Variants in COG6 observed in about 807,000 individuals in gnomAD.
COG6 encodes component of oligomeric golgi complex 6, also known as conserved oligomeric Golgi complex subunit 6.
COG6 carries 74 observed loss-of-function variants against 88.8 expected under a neutral mutation model. The observed-to-expected ratio is 0.83, with a 90% CI of 0.69 to 1.01. The LOEUF (loss-of-function observed/expected upper bound fraction) is 1.01. Among genes scored for constraint, COG6 ranks in the 50% least tolerant of loss-of-function variants. COG6 has a pLI of 0.00. For missense variants in COG6, 800 were observed against 797.9 expected, an observed-to-expected ratio of 1.00 and a Z score of -0.03; for synonymous variants, 286 against 278.7, an observed-to-expected ratio of 1.03 and a Z score of -0.26.
At chr13:39,736,632 G>A (rs983663115) in intron 18 of COG6, among the ~76,000 whole-genome samples, 2 of 152,100 alleles carry the variant, frequency 1.3e-5, no homozygotes, top group Admixed American at 6.6e-5. Context: ...CGGAGGTTAC[G>A]GTGAGCCGAG....
intron 18 of COG6, among the ~76,000 whole-genome samples, chr13:39,745,410 A>C (rs1880288676): frequency 6.6e-6 from 1 of 152,118 alleles, no homozygotes; most frequent in African/African-American, 2.4e-5. Flanking sequence ...AAAACCATCA[A>C]AAAGTGGGCA....
At chr13:39,669,824 A>T (rs1331476152) in intron 4 of COG6, among the ~76,000 whole-genome samples, 2 of 152,164 alleles carry the variant, frequency 1.3e-5, no homozygotes, top group East Asian at 3.8e-4. Context: ...AAAATTTATG[A>T]CATTCTGGTA....
rs115078036 is a variant in COG6 at position 39,681,689 on chromosome 13, G to A, written c.695-482G>A. Reference sequence around the variant, plus strand: ...ATTAGAATAATAAAGAAAAGTTGGTGTAGAAATTTTTAAGAGTTTAAAATT... The same window carrying A: ...ATTAGAATAATAAAGAAAAGTTGGTATAGAAATTTTTAAGAGTTTAAAATT... On this transcript the variant is annotated intron_variant, in intron 7 of 18. Transcript: ENST00000455146. 2.5e-3 allele frequency among the ~76,000 whole-genome samples: 381 copies of A among 152,262 alleles called. 2 individuals carry two copies. The highest frequency in any genetic ancestry group is 9.0e-3 in the African/African-American group (373 of 41,566).
At position 39,690,099 on chromosome 13, in the gene COG6, AT is replaced by A. The variant is rs200772217; in HGVS notation, c.1074+276del. On this transcript the variant is annotated intron_variant, in intron 11 of 18. Transcript: ENST00000455146. Reference sequence around the variant, plus strand: ...TTTTTCTTATTCAATTGAGAAAAAAATCTATTAAATTTAAACAGCGAATCTA... The same window carrying A: ...TTTTTCTTATTCAATTGAGAAAAAAACTATTAAATTTAAACAGCGAATCTA... Among the ~76,000 whole-genome samples, 100,665 of 151,656 alleles carry A rather than the reference AT, an allele frequency of 0.66. 33,616 individuals are homozygous for A. Among genetic ancestry groups the A allele is most frequent in the Admixed American group, 0.77 (11,761 of 15,230 alleles).
intron 13 of COG6, among the ~76,000 whole-genome samples, chr13:39,717,293 G>T (rs1221390946): frequency 6.6e-6 from 1 of 151,544 alleles, no homozygotes; most frequent in African/African-American, 2.4e-5. Flanking sequence ...TGTTACTGTA[G>T]GTCTCTTGAG....
chr13:39,699,119 A>G, intron 12 of COG6, among the ~76,000 whole-genome samples: 1 of 151,800 alleles, frequency 6.6e-6, no homozygotes, highest in East Asian at 1.9e-4. Context: ...TATTTTATCA[A>G]TAGAGCTGTT....
At chr13:39,777,778 C>A (rs1881507670) in intron 18 of COG6, among the ~76,000 whole-genome samples, 2 of 152,260 alleles carry the variant, frequency 1.3e-5, no homozygotes, top group Non-Finnish European at 2.9e-5. Flanking sequence ...ATTTCCATTT[C>A]CTTGATACTG....
At chr13:39,763,427 G>A (rs921757438) in intron 18 of COG6, among the ~76,000 whole-genome samples, 3 of 151,710 alleles carry the variant, frequency 2.0e-5, no homozygotes, top group Admixed American at 1.3e-4. Context: ...TCCAAAATGT[G>A]GGGAAGGAGA....
chr13:39,752,526 GAGAA>G lies in COG6; in HGVS notation c.*1438_*1441del. ...AAATTGTATATAATTTATTTCTACAGAGAAAGAAGATTGATACCTTGCTATGAGT... is the reference window on the plus strand; with the variant it reads ...AAATTGTATATAATTTATTTCTACAGAGAAGATTGATACCTTGCTATGAGT... On this transcript the variant is annotated 3_prime_UTR_variant, in exon 19 of 19. Transcript: ENST00000455146. The G allele has an allele frequency of 8.3e-7, 1 of 1,208,932 alleles. No homozygotes were observed. Among genetic ancestry groups the G allele is most frequent in the Non-Finnish European group, 1.1e-6 (1 of 926,838 alleles). The allele number at this position is 1,208,932 out of a possible 1,614,324, so 74.9% of individuals were successfully genotyped here.
At position 39,657,741 on chromosome 13, in the gene COG6, T is replaced by C. The variant is rs1874614737; in HGVS notation, c.154-1623T>C. ...TATATCTGCAGAATTTAGTGTACAA[T>C]GGGGATGTCCTGGGCTTGGTTCTCT... On this transcript the variant is annotated intron_variant, in intron 1 of 18. Transcript: ENST00000455146. Among the ~76,000 whole-genome samples, 7 of 152,184 alleles carry C rather than the reference T, an allele frequency of 4.6e-5. No individual in the cohort carries two copies. In the South Asian group the frequency reaches 1.2e-3, roughly 27 times the overall value.
intron 18 of COG6, among the ~76,000 whole-genome samples, chr13:39,775,167 C>T (rs1433640514): frequency 6.6e-6 from 1 of 152,030 alleles, no homozygotes. Flanking sequence ...GGTTCCATTT[C>T]GTTTGTCATC....
chr13:39,676,562 G>A (rs1381837966), intron 4 of COG6, among the ~76,000 whole-genome samples: 1 of 151,996 alleles, frequency 6.6e-6, no homozygotes, highest in African/African-American at 2.4e-5. Context: ...ATTCAACTTT[G>A]AATTTAAAAC....
At chr13:39,660,749 C>A in intron 2 of COG6, 61 bp from the exon 3 acceptor site, 1 of 1,095,246 alleles carries the variant, frequency 9.1e-7, no homozygotes, top group Non-Finnish European at 1.4e-6. Context: ...ATTTAGCTAA[C>A]AGAAGAGAAT....
At chr13:39,725,870 A>G (rs531537910) in intron 17 of COG6, among the ~76,000 whole-genome samples, 3 of 152,042 alleles carry the variant, frequency 2.0e-5, no homozygotes, top group South Asian at 4.1e-4. Context: ...TTACCCCCCA[A>G]AAATGAAGAT....
At chr13:39,734,426 T>C (rs78753254) in intron 18 of COG6, among the ~76,000 whole-genome samples, 3,713 of 152,260 alleles carry the variant, frequency 0.024, 183 homozygotes, top group African/African-American at 0.085. Flanking sequence ...ATTATTGTTA[T>C]TGATTTTTAG....
chr13:39,741,368 T>G lies in COG6; in HGVS notation c.1827-9578T>G, dbSNP rs1485820900. Among the ~76,000 whole-genome samples the G allele has an allele frequency of 3.9e-5, 6 of 152,080 alleles. No homozygotes were observed. In the East Asian group the frequency reaches 1.2e-3, roughly 29 times the overall value. On this transcript the variant is annotated intron_variant, in intron 18 of 18. Transcript: ENST00000455146. The stretch of plus-strand genomic sequence containing the variant: ...GAAGCTAAAAACCTTGAAAAAAGAT[T>G]AGATGAATGTCTAACTAGAATTAAC...
chr13:39,701,764 G>A (rs1056191751), intron 13 of COG6, among the ~76,000 whole-genome samples: 1 of 151,838 alleles, frequency 6.6e-6, no homozygotes, highest in African/African-American at 2.4e-5. Flanking sequence ...AAAAGTTCAT[G>A]GGTAAGCATA....
intron 8 of COG6, among the ~76,000 whole-genome samples, chr13:39,683,761 C>A (rs1876459389): frequency 6.6e-6 from 1 of 151,454 alleles, no homozygotes; most frequent in East Asian, 1.9e-4. Flanking sequence ...AAAAAAAAGC[C>A]TTTCTGTGTT....
chr13:39,708,776 T>G (rs1878080689), intron 13 of COG6, among the ~76,000 whole-genome samples: 1 of 152,232 alleles, frequency 6.6e-6, no homozygotes, highest in Non-Finnish European at 1.5e-5. Context: ...ATCTTCTCAG[T>G]CATCTTTGTC....
Sources: gnomAD v4.1 joint callset for allele counts (sites outside exome capture counted in the v4.1 genomes callset) on GRCh38, gnomAD v4.1.1 for gene constraint, MANE v1.5 for transcripts, NCBI Gene and HGNC (gene_info 2026-07-23, HGNC 2026-07-21) for gene names.